Variants in OSBP2 observed in about 807,000 individuals in gnomAD.
The protein encoded by OSBP2 is oxysterol binding protein 2.
A neutral mutation model predicts 96.0 loss-of-function variants in OSBP2; 66 were observed. That is an observed-to-expected ratio of 0.69 (90% CI 0.56 to 0.84). OSBP2 has a LOEUF of 0.84. Ranked by LOEUF, OSBP2 falls within the 40% of genes least tolerant of loss-of-function variation. The pLI, the probability that OSBP2 is intolerant of heterozygous loss-of-function variation, is 0.00. For missense variants in OSBP2, 1,038 were observed against 1,222.7 expected (o/e 0.85, Z 2.25); for synonymous variants, 525 against 520.9 (o/e 1.01, Z -0.11).
At chr22:30,822,330 G>T (rs2038291033) in intron 2 of OSBP2, among the ~76,000 whole-genome samples, 1 of 152,256 alleles carries the variant, frequency 6.6e-6, no homozygotes, top group South Asian at 2.1e-4. Flanking sequence ...ATGGGCGTCC[G>T]CGGGGTCGCA....
At chr22:30,763,689 C>G (rs1392335734) in intron 2 of OSBP2, among the ~76,000 whole-genome samples, 1 of 150,416 alleles carries the variant, frequency 6.6e-6, no homozygotes, top group South Asian at 2.1e-4. Context: ...GCTTCAAATA[C>G]AAAACGAATA....
intron 2 of OSBP2, among the ~76,000 whole-genome samples, chr22:30,841,259 A>T (rs1375958210): frequency 6.6e-6 from 1 of 152,182 alleles, no homozygotes; most frequent in Non-Finnish European, 1.5e-5. Flanking sequence ...CGTTACACTC[A>T]ATTTTAGAAC....
At chr22:30,713,866 A>G (rs2145690516) in intron 1 of OSBP2, among the ~76,000 whole-genome samples, 1 of 152,348 alleles carries the variant, frequency 6.6e-6, no homozygotes, top group South Asian at 2.1e-4. Flanking sequence ...CAAAGTAACT[A>G]GCATATCCAT....
intron 2 of OSBP2, among the ~76,000 whole-genome samples, chr22:30,845,205 C>T (rs757804207): frequency 6.6e-6 from 1 of 152,140 alleles, no homozygotes; most frequent in African/African-American, 2.4e-5. Flanking sequence ...CCAAGGTGGG[C>T]GGATCACCTG....
chr22:30,739,622 A>G (rs1349151162), intron 1 of OSBP2, among the ~76,000 whole-genome samples: 1 of 151,790 alleles, frequency 6.6e-6, no homozygotes, highest in Non-Finnish European at 1.5e-5. Flanking sequence ...CTACAGGTGC[A>G]CGCTACCATG....
intron 2 of OSBP2, among the ~76,000 whole-genome samples, chr22:30,772,568 C>A (rs1189017055): frequency 6.6e-6 from 1 of 152,154 alleles, no homozygotes; most frequent in Non-Finnish European, 1.5e-5. Flanking sequence ...CCACAGAAGC[C>A]CTCAAGTCCT....
intron 2 of OSBP2, among the ~76,000 whole-genome samples, chr22:30,807,761 A>G (rs1307424912): frequency 1.3e-5 from 2 of 152,140 alleles, no homozygotes; most frequent in Admixed American, 1.3e-4. Flanking sequence ...ACGCTTGCTC[A>G]GTCAGCTATT....
intron 1 of OSBP2, among the ~76,000 whole-genome samples, chr22:30,728,129 G>A (rs2089682957): frequency 6.6e-6 from 1 of 151,712 alleles, no homozygotes; most frequent in Non-Finnish European, 1.5e-5. Context: ...GGGCACGGTG[G>A]CTCATGCCTG....
chr22:30,854,079 G>T (rs1238056639), intron 2 of OSBP2, among the ~76,000 whole-genome samples: 1 of 151,814 alleles, frequency 6.6e-6, no homozygotes, highest in Non-Finnish European at 1.5e-5. Flanking sequence ...TTTCTTAGTG[G>T]TTGTTCTAGG....
At chr22:30,777,150 A>G (rs751265114) in intron 2 of OSBP2, among the ~76,000 whole-genome samples, 14 of 152,158 alleles carry the variant, frequency 9.2e-5, no homozygotes, top group Non-Finnish European at 1.6e-4. Flanking sequence ...GCTGAAATGA[A>G]TTAAGACTTT....
intron 2 of OSBP2, among the ~76,000 whole-genome samples, chr22:30,848,044 T>A (rs561089350): frequency 1.9e-4 from 29 of 152,316 alleles, no homozygotes; most frequent in Admixed American, 1.3e-3. Flanking sequence ...TGCTCCTTGA[T>A]CTTTTTCACT....
At chr22:30,861,402 T>G (rs911739221) in intron 2 of OSBP2, among the ~76,000 whole-genome samples, 4 of 152,108 alleles carry the variant, frequency 2.6e-5, no homozygotes. Context: ...TGTGGTCTCC[T>G]CAGCTTCCTG....
At chr22:30,716,130 C>T (rs56348572) in intron 1 of OSBP2, among the ~76,000 whole-genome samples, 7,381 of 151,598 alleles carry the variant, frequency 0.049, 617 homozygotes, top group African/African-American at 0.17. Flanking sequence ...CAACCTCCAC[C>T]TCCTGGGTTC....
intron 2 of OSBP2, among the ~76,000 whole-genome samples, chr22:30,786,458 G>A (rs2090591780): frequency 6.6e-6 from 1 of 152,102 alleles, no homozygotes; most frequent in South Asian, 2.1e-4. Context: ...CCCACTGCCT[G>A]CTGTGGGGAG....
chr22:30,902,185 G>A lies in OSBP2; in HGVS notation c.2376-3652G>A, dbSNP rs568804812. ...TCCCACGGCAGTACTGGTGGCCATG[G>A]TTCCCGTAGCCAGAAGGAGTCGCTC... On this transcript the variant is annotated intron_variant, in intron 12 of 13. Transcript: ENST00000332585. The A allele has an allele frequency of 6.5e-6, 6 of 922,930 alleles. No homozygotes were observed. The Admixed American group carries it at 9.2e-5, about 14-fold the overall frequency. The allele number at this position is 922,930 out of a possible 1,614,324, so 57.2% of individuals were successfully genotyped here. A position where few individuals can be genotyped will look rare whatever the true frequency, so the allele number is the denominator to read the frequency against.
intron 12 of OSBP2, among the ~76,000 whole-genome samples, chr22:30,901,637 G>A (rs772032198): frequency 5.3e-5 from 8 of 152,094 alleles, no homozygotes; most frequent in East Asian, 1.9e-4. Flanking sequence ...GGCCAAGGCC[G>A]GTGGAACACC....
chr22:30,865,575 T>G (rs2039318709), intron 2 of OSBP2, among the ~76,000 whole-genome samples: 1 of 133,816 alleles, frequency 7.5e-6, no homozygotes, highest in African/African-American at 2.9e-5. Flanking sequence ...GAGGTTGCAG[T>G]GAACTGAGAT....
chr22:30,730,713 C>T (rs1326210157), intron 1 of OSBP2, among the ~76,000 whole-genome samples: 1 of 52,968 alleles, frequency 1.9e-5, no homozygotes, highest in African/African-American at 8.3e-5. Context: ...GATTCGCTGC[C>T]CTGTCTCTCT....
At chr22:30,699,474 A>G (rs1279686535) in intron 1 of OSBP2, among the ~76,000 whole-genome samples, 3 of 152,182 alleles carry the variant, frequency 2.0e-5, no homozygotes, top group Non-Finnish European at 1.5e-5. Flanking sequence ...ATCTTACGTA[A>G]TGCCAAACTG....
Sources: allele counts gnomAD v4.1 joint callset (sites outside exome capture counted in the v4.1 genomes callset), GRCh38; gene constraint gnomAD v4.1.1; transcripts MANE v1.5; gene names NCBI Gene and HGNC (gene_info 2026-07-23, HGNC 2026-07-21).